Variants in CA10 observed in about 807,000 individuals in gnomAD.
CA10 encodes the protein carbonic anhydrase 10 (inactive), also known as carbonic anhydrase-related protein 10.
A neutral mutation model predicts 44.2 loss-of-function variants in CA10; 14 were observed. That is an observed-to-expected ratio of 0.32 (90% CI 0.21 to 0.50). The LOEUF (loss-of-function observed/expected upper bound fraction) is 0.50, where lower values mean the gene tolerates loss of function less well. Among genes scored for constraint, CA10 ranks in the 20% least tolerant of loss-of-function variants. The pLI is 0.99. For missense variants in CA10, 350 were observed against 409.7 expected, an observed-to-expected ratio of 0.85 and a Z score of 1.26; for synonymous variants, 159 against 141.6, an observed-to-expected ratio of 1.12 and a Z score of -0.87.
At chr17:51,673,313 T>C (rs76324662) in intron 4 of CA10, among the ~76,000 whole-genome samples, 2,024 of 152,262 alleles carry the variant, frequency 0.013, 38 homozygotes, top group African/African-American at 0.046. Flanking sequence ...TAGTGAATCA[T>C]TGTGTCTATG....
At chr17:51,749,241 T>C (rs1414215810) in intron 3 of CA10, among the ~76,000 whole-genome samples, 2 of 152,262 alleles carry the variant, frequency 1.3e-5, no homozygotes, top group Non-Finnish European at 2.9e-5. Flanking sequence ...TGCTGTCATC[T>C]AGATAAGAGG....
intron 2 of CA10, among the ~76,000 whole-genome samples, chr17:51,978,380 G>A (rs886558097): frequency 2.0e-5 from 3 of 148,738 alleles, no homozygotes; most frequent in Non-Finnish European, 3.0e-5. Context: ...GTGTGTGTCT[G>A]TATGTGTGTG....
chr17:51,942,486 G>GGA (rs1174138901), intron 2 of CA10, among the ~76,000 whole-genome samples: 1 of 150,072 alleles, frequency 6.7e-6, no homozygotes, highest in African/African-American at 2.4e-5. Context: ...TTTCCTGTTA[G>GGA]ACTTTTGTAT....
intron 3 of CA10, among the ~76,000 whole-genome samples, chr17:51,771,469 G>C (rs542389973): frequency 1.3e-5 from 2 of 152,170 alleles, no homozygotes; most frequent in Non-Finnish European, 2.9e-5. Context: ...TCACCTCCCA[G>C]AATTAAGACA....
intron 2 of CA10, among the ~76,000 whole-genome samples, chr17:52,040,933 G>A (rs1986751189): frequency 6.6e-6 from 1 of 152,044 alleles, no homozygotes; most frequent in Non-Finnish European, 1.5e-5. Context: ...AACAATTTCT[G>A]AAGGTCACAA....
chr17:52,025,537 T>C (rs1986273597), intron 2 of CA10, among the ~76,000 whole-genome samples: 1 of 152,040 alleles, frequency 6.6e-6, no homozygotes, highest in Non-Finnish European at 1.5e-5. Context: ...TTCATTCACA[T>C]AGGACTAGAT....
Position 51,717,847 on chromosome 17 carries a change from A to ATG in CA10, c.465+29785_465+29786insCA, listed in dbSNP as rs1916211942. On this transcript the variant is annotated intron_variant, in intron 4 of 8. Coordinates refer to ENST00000451037, the MANE Select transcript of CA10 (RefSeq NM_020178.5). ...TGTGTGTGTATATATATATATATAT[A>ATG]TATATATATATATATATATATACAG... Among the ~76,000 whole-genome samples, 3 of 83,066 alleles carry ATG rather than the reference A, an allele frequency of 3.6e-5. 1 individual carries two copies. Among genetic ancestry groups the ATG allele is most frequent in the African/African-American group, 1.5e-4 (3 of 20,622 alleles). 54.5% of individuals were successfully genotyped at this position (83,066 alleles called of 152,430 possible).
intron 1 of CA10, among the ~76,000 whole-genome samples, chr17:52,094,297 A>T (rs1395488835): frequency 6.9e-6 from 1 of 145,644 alleles, no homozygotes; most frequent in Non-Finnish European, 1.5e-5. Flanking sequence ...ATTTAAAAAA[A>T]ACCTAAATAA....
intron 6 of CA10, among the ~76,000 whole-genome samples, chr17:51,642,419 T>G (rs1394913268): frequency 6.6e-6 from 1 of 152,192 alleles, no homozygotes; most frequent in East Asian, 1.9e-4. Context: ...CAGTTCCAAG[T>G]TGATCTGTCC....
intron 1 of CA10, among the ~76,000 whole-genome samples, chr17:52,114,434 T>C (rs188150846): frequency 6.6e-6 from 1 of 152,322 alleles, no homozygotes; most frequent in East Asian, 1.9e-4. Context: ...TGAGCCTCAG[T>C]TTGCCCAGTT....
chr17:51,985,991 G>GA (rs969365610), intron 2 of CA10, among the ~76,000 whole-genome samples: 4 of 151,984 alleles, frequency 2.6e-5, no homozygotes, highest in African/African-American at 7.2e-5. Flanking sequence ...TACAGAACTA[G>GA]AAAAAACAAT....
At chr17:51,736,236 A>G (rs1567822206) in intron 4 of CA10, among the ~76,000 whole-genome samples, 1 of 152,076 alleles carries the variant, frequency 6.6e-6, no homozygotes, top group Non-Finnish European at 1.5e-5. Context: ...AATTCCATCA[A>G]TTTTCACTTC....
chr17:52,129,028 C>T (rs934415655), intron 1 of CA10, among the ~76,000 whole-genome samples: 2 of 152,248 alleles, frequency 1.3e-5, no homozygotes, highest in Admixed American at 1.3e-4. Context: ...ATATAACAAA[C>T]ACTGTAACAA....
chr17:51,808,192 T>C (rs1445185281), intron 3 of CA10, among the ~76,000 whole-genome samples: 2 of 152,188 alleles, frequency 1.3e-5, no homozygotes, highest in African/African-American at 2.4e-5. Flanking sequence ...TTTCAGTCAA[T>C]TGAAGAAAGG....
chr17:51,678,909 T>C (rs559889758), intron 4 of CA10, among the ~76,000 whole-genome samples: 3 of 152,248 alleles, frequency 2.0e-5, no homozygotes, highest in African/African-American at 7.2e-5. Flanking sequence ...AGCCAGCAAA[T>C]AGGAAACTAA....
chr17:51,746,106 C>A (rs545711779), intron 4 of CA10, among the ~76,000 whole-genome samples: 2 of 152,180 alleles, frequency 1.3e-5, no homozygotes, highest in African/African-American at 4.8e-5. Flanking sequence ...CCCTACAGAT[C>A]CAGGAGGGAG....
intron 4 of CA10, among the ~76,000 whole-genome samples, chr17:51,745,505 C>G (rs988867291): frequency 6.6e-6 from 1 of 152,144 alleles, no homozygotes; most frequent in African/African-American, 2.4e-5. Flanking sequence ...CTCCTGGGAA[C>G]TTTTAAAATG....
chr17:51,847,598 C>T (rs2143815715), intron 3 of CA10, among the ~76,000 whole-genome samples: 1 of 152,240 alleles, frequency 6.6e-6, no homozygotes, highest in South Asian at 2.1e-4. Flanking sequence ...TTGTGAGCAC[C>T]TTACAATTGC....
chr17:51,816,090 A>G (rs1047478811), intron 3 of CA10, among the ~76,000 whole-genome samples: 4 of 151,554 alleles, frequency 2.6e-5, no homozygotes, highest in African/African-American at 7.3e-5. Context: ...TACCCTTTCC[A>G]GCTTCTGGTA....
Sources: gnomAD v4.1 joint callset for allele counts (sites outside exome capture counted in the v4.1 genomes callset) on GRCh38, gnomAD v4.1.1 for gene constraint, MANE v1.5 for transcripts, NCBI Gene and HGNC (gene_info 2026-07-23, HGNC 2026-07-21) for gene names.